CSGALNACT1: variants seen among roughly 807,000 people sequenced by gnomAD.
CSGALNACT1 encodes chondroitin sulfate N-acetylgalactosaminyltransferase 1.
In CSGALNACT1, 52 loss-of-function variants were observed where a neutral mutation model predicts 51.0. The ratio of observed to expected loss-of-function variants is 1.02; its 90% CI spans 0.82 to 1.29. CSGALNACT1 has a LOEUF of 1.29. Ranked by LOEUF, CSGALNACT1 falls within the 50% of genes most tolerant of loss-of-function variation. The pLI is 0.00. For missense variants in CSGALNACT1, 935 were observed against 679.2 expected (o/e 1.38, Z -4.19); for synonymous variants, 341 against 254.4 (o/e 1.34, Z -3.24).
intron 3 of CSGALNACT1, among the ~76,000 whole-genome samples, chr8:19,571,545 A>G (rs2043039219): frequency 8.0e-6 from 1 of 125,428 alleles, no homozygotes; most frequent in Non-Finnish European, 1.8e-5. Flanking sequence ...AATATGGCTA[A>G]TACGGCATTT....
chr8:19,669,258 G>C (rs1400689834), intron 1 of CSGALNACT1, among the ~76,000 whole-genome samples: 1 of 152,152 alleles, frequency 6.6e-6, no homozygotes, highest in Non-Finnish European at 1.5e-5. Context: ...CCACAGAAGA[G>C]GAAAATGACT....
intron 5 of CSGALNACT1, among the ~76,000 whole-genome samples, chr8:19,444,870 T>C (rs1318206123): frequency 6.6e-6 from 1 of 151,858 alleles, no homozygotes; most frequent in Non-Finnish European, 1.5e-5. Context: ...CTGGGGTCAG[T>C]GAAGGAGGGA....
intron 3 of CSGALNACT1, among the ~76,000 whole-genome samples, chr8:19,535,833 C>T (rs929998596): frequency 5.9e-5 from 9 of 152,154 alleles, no homozygotes; most frequent in African/African-American, 2.2e-4. Context: ...ATTTCCTCCA[C>T]TGGATAAGGA....
chr8:19,439,730 G>A (rs545142027), intron 6 of CSGALNACT1, 100 bp downstream of exon 5: 6 of 910,456 alleles, frequency 6.6e-6, no homozygotes, highest in Admixed American at 2.0e-5. Context: ...TTCACCCACA[G>A]TGTAAAGGAA....
At chr8:19,670,648 G>GAAAAAAA (rs1490871140) in intron 1 of CSGALNACT1, among the ~76,000 whole-genome samples, 1 of 25,190 alleles carries the variant, frequency 4.0e-5, no homozygotes, top group Non-Finnish European at 1.0e-4. Context: ...CACTACTGAA[G>GAAAAAAA]ACAAAAAAAA....
chr8:19,439,841 T>C, exon 6 of CSGALNACT1: 1 of 1,613,730 alleles, frequency 6.2e-7, no homozygotes, highest in Non-Finnish European at 8.5e-7. Context: ...TGGAAGTGTT[T>C]TCAAGTATTC....
chr8:19,472,163 A>G (rs1272053082), intron 4 of CSGALNACT1, among the ~76,000 whole-genome samples: 2 of 152,234 alleles, frequency 1.3e-5, no homozygotes, highest in Non-Finnish European at 2.9e-5. Context: ...CAAAGATTCC[A>G]GAACAAACAA....
intron 1 of CSGALNACT1, among the ~76,000 whole-genome samples, chr8:19,656,992 G>C (rs2058336670): frequency 6.6e-6 from 1 of 151,462 alleles, no homozygotes; most frequent in African/African-American, 2.4e-5. Context: ...CCTCCCAGGA[G>C]GCAGAGGTTG....
At position 19,502,413 on chromosome 8, in the gene CSGALNACT1, A is replaced by T. The variant is rs569371911; in HGVS notation, c.634+2788T>A. 1.4e-4 allele frequency among the ~76,000 whole-genome samples: 21 copies of T among 152,348 alleles called. No homozygotes were observed. In the South Asian group the frequency reaches 2.1e-3, roughly 15 times the overall value. On this transcript the variant is annotated intron_variant, in intron 4 of 9. Transcript: ENST00000454498. ...AATCATACCTTCTCAAGCTTGCGTG[A>T]TCATGCCACTTCTCTCACAATTAGC... is the stretch of plus-strand genomic sequence containing the variant.
intron 3 of CSGALNACT1, among the ~76,000 whole-genome samples, chr8:19,574,677 G>A (rs1417870738): frequency 6.6e-6 from 1 of 152,096 alleles, no homozygotes; most frequent in Non-Finnish European, 1.5e-5. Context: ...GTGCTTCAAG[G>A]AGCCCTACTG....
At chr8:19,624,490 A>G (rs1275094759) in intron 1 of CSGALNACT1, among the ~76,000 whole-genome samples, 3 of 152,158 alleles carry the variant, frequency 2.0e-5, no homozygotes, top group Non-Finnish European at 4.4e-5. Context: ...CCAACACAGT[A>G]TATTAATTGG....
exon 9 of CSGALNACT1, chr8:19,408,668 C>A: frequency 6.2e-7 from 1 of 1,613,794 alleles, no homozygotes; most frequent in Non-Finnish European, 8.5e-7. Flanking sequence ...CAAAGTCTCT[C>A]CAAAATCCAG....
intron 2 of CSGALNACT1, among the ~76,000 whole-genome samples, chr8:19,597,150 A>G (rs1461086112): frequency 2.0e-5 from 3 of 152,150 alleles, no homozygotes; most frequent in South Asian, 2.1e-4. Context: ...AACTGCATCC[A>G]TATTTTAGTA....
At chr8:19,519,904 T>A (rs1318490800) in intron 3 of CSGALNACT1, among the ~76,000 whole-genome samples, 1 of 152,102 alleles carries the variant, frequency 6.6e-6, no homozygotes, top group Admixed American at 6.5e-5. Context: ...GGCCTCCTCA[T>A]TCCCCACCAG....
At chr8:19,431,386 T>A (rs992711037) in intron 6 of CSGALNACT1, among the ~76,000 whole-genome samples, 3 of 152,118 alleles carry the variant, frequency 2.0e-5, no homozygotes, top group Non-Finnish European at 2.9e-5. Context: ...GATGTTGGAT[T>A]TTTAACAAAT....
chr8:19,649,812 C>G (rs1266900607), intron 1 of CSGALNACT1, among the ~76,000 whole-genome samples: 1 of 5,490 alleles, frequency 1.8e-4, no homozygotes, highest in Non-Finnish European at 3.4e-4. Flanking sequence ...AAATGCATTC[C>G]AAGTAGCAAA....
At chr8:19,610,571 C>A (rs577583776) in intron 1 of CSGALNACT1, among the ~76,000 whole-genome samples, 1 of 152,112 alleles carries the variant, frequency 6.6e-6, no homozygotes, top group Non-Finnish European at 1.5e-5. Flanking sequence ...ACCACAGGAA[C>A]GCACCGGCAG....
At chr8:19,727,449 A>C (rs2063464604) in intron 1 of CSGALNACT1, among the ~76,000 whole-genome samples, 2 of 152,124 alleles carry the variant, frequency 1.3e-5, no homozygotes, top group Admixed American at 1.3e-4. Context: ...TCCCAGGCTC[A>C]AGTCATCCTT....
intron 1 of CSGALNACT1, among the ~76,000 whole-genome samples, chr8:19,741,944 G>C (rs560614092): frequency 6.6e-6 from 1 of 152,174 alleles, no homozygotes; most frequent in African/African-American, 2.4e-5. Context: ...AGACTGCCAA[G>C]ATTCAAATCC....
Sources: gnomAD v4.1 joint callset for allele counts (sites outside exome capture counted in the v4.1 genomes callset) on GRCh38, gnomAD v4.1.1 for gene constraint, MANE v1.5 for transcripts, NCBI Gene and HGNC (gene_info 2026-07-23, HGNC 2026-07-21) for gene names.